Variants in PVT1 observed in about 807,000 individuals in gnomAD.
The protein encoded by PVT1 is CXCR4/PVT1 fusion.
intron 4 of PVT1, among the ~76,000 whole-genome samples, chr8:128,064,718 G>A (rs1359233868): frequency 1.3e-5 from 2 of 152,190 alleles, no homozygotes; most frequent in African/African-American, 4.8e-5. Flanking sequence ...GAACAAACAT[G>A]TAAAATTCTT....
chr8:127,911,726 CGT>C (rs898180448), intron 3 of PVT1, among the ~76,000 whole-genome samples: 2 of 152,204 alleles, frequency 1.3e-5, no homozygotes, highest in African/African-American at 4.8e-5. Context: ...TAATAGCATG[CGT>C]GCCCCCTCTG....
At chr8:127,807,631 G>A (rs912760732) in intron 2 of PVT1, among the ~76,000 whole-genome samples, 1 of 152,114 alleles carries the variant, frequency 6.6e-6, no homozygotes, top group Non-Finnish European at 1.5e-5. Flanking sequence ...TATCTTTAAT[G>A]CTTTTTTTGA....
At chr8:128,061,430 G>A (rs1293316576) in intron 4 of PVT1, among the ~76,000 whole-genome samples, 1 of 152,126 alleles carries the variant, frequency 6.6e-6, no homozygotes, top group African/African-American at 2.4e-5. Flanking sequence ...TTCTTTGGGG[G>A]TGGGGCTGTT....
chr8:127,941,798 C>T (rs1816354585), intron 3 of PVT1, among the ~76,000 whole-genome samples: 1 of 152,242 alleles, frequency 6.6e-6, no homozygotes, highest in Non-Finnish European at 1.5e-5. Flanking sequence ...GTGCCAGTGT[C>T]TCTGTGGCCT....
chr8:127,879,300 C>G (rs763523038), intron 2 of PVT1, among the ~76,000 whole-genome samples: 1 of 151,946 alleles, frequency 6.6e-6, no homozygotes, highest in Admixed American at 6.6e-5. Context: ...AGGCCAAGGC[C>G]GGGGTATCAG....
intron 2 of PVT1, among the ~76,000 whole-genome samples, chr8:127,875,630 C>G: frequency 6.6e-6 from 1 of 152,186 alleles, no homozygotes; most frequent in East Asian, 1.9e-4. Context: ...AGCGTGTACT[C>G]CTTTCCTCAT....
At chr8:127,880,597 T>C (rs76824807) in intron 2 of PVT1, among the ~76,000 whole-genome samples, 5 of 77,948 alleles carry the variant, frequency 6.4e-5, no homozygotes, top group South Asian at 8.9e-4. Context: ...CCCCCGGCCC[T>C]TTTTTTTTTT....
At chr8:127,903,454 T>C (rs530163333) in intron 3 of PVT1, among the ~76,000 whole-genome samples, 1 of 152,348 alleles carries the variant, frequency 6.6e-6, no homozygotes, top group Non-Finnish European at 1.5e-5. Context: ...CAATTGTCAA[T>C]TTTTGTTTTT....
chr8:127,901,547 A>G (rs1815759225), intron 3 of PVT1, among the ~76,000 whole-genome samples: 1 of 152,208 alleles, frequency 6.6e-6, no homozygotes, highest in Admixed American at 6.5e-5. Context: ...GCTGACATAA[A>G]TGAACAAGGA....
chr8:127,862,058 GC>G (rs1815234248), intron 2 of PVT1, among the ~76,000 whole-genome samples: 1 of 152,200 alleles, frequency 6.6e-6, no homozygotes, highest in Non-Finnish European at 1.5e-5. Context: ...GGTTGCTGAG[GC>G]AGCCTCCAAT....
At chr8:127,811,110 A>G (rs959090832) in intron 2 of PVT1, among the ~76,000 whole-genome samples, 1 of 152,172 alleles carries the variant, frequency 6.6e-6, no homozygotes, top group Non-Finnish European at 1.5e-5. Flanking sequence ...AGATGTTATC[A>G]GAGAGATACT....
At chr8:128,037,562 G>A (rs1394586337) in intron 4 of PVT1, among the ~76,000 whole-genome samples, 4 of 152,164 alleles carry the variant, frequency 2.6e-5, no homozygotes, top group Non-Finnish European at 4.4e-5. Flanking sequence ...CATTTGGAGG[G>A]AGGATCTCAA....
At chr8:128,082,365 A>C (rs1814192889) in intron 5 of PVT1, among the ~76,000 whole-genome samples, 1 of 152,184 alleles carries the variant, frequency 6.6e-6, no homozygotes, top group Admixed American at 6.5e-5. Flanking sequence ...TAAAATAATG[A>C]GATTTAGAGT....
intron 5 of PVT1, among the ~76,000 whole-genome samples, chr8:128,091,041 T>C (rs962887159): frequency 1.1e-4 from 16 of 152,104 alleles, no homozygotes; most frequent in African/African-American, 1.9e-4. Context: ...CAGACTTTCC[T>C]GGGGGATTAA....
intron 2 of PVT1, among the ~76,000 whole-genome samples, chr8:127,870,371 C>G (rs1815339181): frequency 6.6e-6 from 1 of 152,164 alleles, no homozygotes; most frequent in African/African-American, 2.4e-5. Flanking sequence ...TCAGAGGGAG[C>G]ACAGTCCCGC....
chr8:127,893,316 A>G (rs111786192), intron 3 of PVT1, among the ~76,000 whole-genome samples: 2 of 152,216 alleles, frequency 1.3e-5, no homozygotes, highest in South Asian at 2.1e-4. Context: ...TTACTCTATC[A>G]TCCAGGCTGG....
At chr8:128,062,008 A>G (rs1563678210) in intron 4 of PVT1, among the ~76,000 whole-genome samples, 1 of 152,266 alleles carries the variant, frequency 6.6e-6, no homozygotes, top group African/African-American at 2.4e-5. Flanking sequence ...CCATGGACAC[A>G]GGGCCAGTGC....
At chr8:127,916,585 C>T (rs994843740) in intron 3 of PVT1, among the ~76,000 whole-genome samples, 1 of 152,136 alleles carries the variant, frequency 6.6e-6, no homozygotes, top group African/African-American at 2.4e-5. Context: ...TAGATGATTT[C>T]GTTCTGGTCT....
chr8:127,942,252 G>A (rs115032533), intron 3 of PVT1, among the ~76,000 whole-genome samples: 23 of 152,310 alleles, frequency 1.5e-4, no homozygotes, highest in African/African-American at 4.6e-4. Context: ...GCCTAGGGTC[G>A]TTGAGCAATG....
Sources: gnomAD v4.1 joint callset for allele counts (sites outside exome capture counted in the v4.1 genomes callset) on GRCh38, gnomAD v4.1.1 for gene constraint, MANE v1.5 for transcripts, NCBI Gene and HGNC (gene_info 2026-07-23, HGNC 2026-07-21) for gene names.